The following SIGLEC9 variants were observed in gnomAD, a reference collection of about 807,000 sequenced individuals.
The protein encoded by SIGLEC9 is sialic acid binding Ig like lectin 9, also known as sialic acid-binding Ig-like lectin 9.
In SIGLEC9, 26 loss-of-function variants were observed where a neutral mutation model predicts 38.3. That is an observed-to-expected ratio of 0.68 (90% CI 0.50 to 0.94). The LOEUF (loss-of-function observed/expected upper bound fraction) is 0.94. Ranked by LOEUF, SIGLEC9 falls within the 40% of genes least tolerant of loss-of-function variation. The pLI is 0.00. For synonymous variants in SIGLEC9, 236 were observed against 248.0 expected, an observed-to-expected ratio of 0.95 and a Z score of 0.45; for missense variants, 556 against 585.7, an observed-to-expected ratio of 0.95 and a Z score of 0.52.
upstream of SIGLEC9, among the ~76,000 whole-genome samples, chr19:51,122,143 C>T (rs545058373): frequency 6.6e-6 from 1 of 152,294 alleles, no homozygotes; most frequent in Non-Finnish European, 1.5e-5. This position sits in a 1 kb window ranked among gnomAD's most constrained non-coding sequence, Gnocchi z 4.1. Flanking sequence ...CAGACTGTTT[C>T]AGAGCCTTTG....
upstream of SIGLEC9, chr19:51,120,672 C>T: frequency 5.6e-6 from 1 of 179,792 alleles, no homozygotes; most frequent in South Asian, 1.2e-4. The surrounding 1 kb of genome is among the most constrained non-coding windows in gnomAD (Gnocchi z 4.1). Context: ...ATCCCACAGC[C>T]ATGTGACCAT....
At chr19:51,129,687 T>C (rs1422581077) in intron 6 of SIGLEC9, among the ~76,000 whole-genome samples, 1 of 152,156 alleles carries the variant, frequency 6.6e-6, no homozygotes, top group Admixed American at 6.5e-5. Context: ...GTAGCTGGGA[T>C]TAAAGGTGCA....
At chr19:51,130,695 CT>C (rs1003654880), downstream of SIGLEC9, among the ~76,000 whole-genome samples, 1 of 152,188 alleles carries the variant, frequency 6.6e-6, no homozygotes, top group Non-Finnish European at 1.5e-5. Context: ...CAGTGGGAAT[CT>C]TTAGGACACA....
chr19:51,122,796 C>A (rs2091952576), upstream of SIGLEC9: 2 of 152,666 alleles, frequency 1.3e-5, no homozygotes, highest in South Asian at 4.1e-4. The surrounding 1 kb of genome is among the most constrained non-coding windows in gnomAD (Gnocchi z 4.1). Flanking sequence ...CACCTCCCAA[C>A]CCCGCCCGGC....
At chr19:51,128,229 T>G (rs1470903482) in intron 5 of SIGLEC9, among the ~76,000 whole-genome samples, 185 bp from the exon 6 acceptor site, 1 of 152,134 alleles carries the variant, frequency 6.6e-6, no homozygotes, top group Non-Finnish European at 1.5e-5. Flanking sequence ...GTGGCAAACC[T>G]TGGTACCCAC....
At chr19:51,134,215 G>C (rs1039151355), downstream of SIGLEC9, among the ~76,000 whole-genome samples, 1 of 136,704 alleles carries the variant, frequency 7.3e-6, no homozygotes, top group Admixed American at 8.0e-5. Flanking sequence ...GAGTGCAGTG[G>C]CTCACTGCAA....
rs752111892 is a variant in SIGLEC9, at chr19:51,126,083, C to T, written c.703C>T (p.Pro235Ser). The change falls in exon 3 of 7, where the codon CCG becomes TCG. Residue 235 changes from proline (P) to serine (S), a missense_variant and splice_region_variant. Physicochemically the swap from Pro to Ser is moderately conservative, Grantham distance 74 (BLOSUM62 -1). Transcript: ENST00000250360. Reference sequence around the variant, plus strand: ...GTCTCCATGTCTTTCTGTCCCAGACCCGCCTCAGAACTTGACCATGACTGT... The same window carrying T: ...GTCTCCATGTCTTTCTGTCCCAGACTCGCCTCAGAACTTGACCATGACTGT... Reference protein sequence around the residue: ...NKTVHLNVSYPPQNLTMTVFQ... With the variant: ...NKTVHLNVSYSPQNLTMTVFQ... 1.1e-5 allele frequency: 17 copies of T among 1,614,078 alleles called. No homozygotes were observed. Among genetic ancestry groups the T allele is most frequent in the Non-Finnish European group, 1.3e-5 (15 of 1,179,942 alleles).
At chr19:51,135,478 C>A (rs2092037238) in intron 6 of SIGLEC9, among the ~76,000 whole-genome samples, 1 of 152,162 alleles carries the variant, frequency 6.6e-6, no homozygotes, top group South Asian at 2.1e-4. Flanking sequence ...TTGTACATGA[C>A]CTGCCTCTTC....
chr19:51,134,816 A>AT (rs1177650581), downstream of SIGLEC9, among the ~76,000 whole-genome samples: 1 of 152,070 alleles, frequency 6.6e-6, no homozygotes, highest in African/African-American at 2.4e-5. Context: ...TCTAGGTGTA[A>AT]TGTTAAGTTG....
chr19:51,124,803 C>A, upstream of SIGLEC9: 3 of 807,618 alleles, frequency 3.7e-6, no homozygotes, highest in Non-Finnish European at 5.7e-6. Flanking sequence ...CCAGGGCTGA[C>A]CCGGGCCTGA....
Position 51,125,315 on chromosome 19 carries a change from C to T in SIGLEC9, c.341C>T (p.Ala114Val), listed in dbSNP as rs765995882. The change falls in exon 1 of 7, where the codon GCG (alanine) becomes GTG (valine). Residue 114 changes from alanine to valine, a missense_variant. Coordinates refer to ENST00000250360, the MANE Select transcript of SIGLEC9 (RefSeq NM_014441.3). ...LSIRDARRSD[A>V]GRYFFRMEKG... ...ATCAGAGATGCCAGAAGAAGTGATGCGGGGAGATACTTCTTTCGTATGGAG... is the reference window on the plus strand; with the variant it reads ...ATCAGAGATGCCAGAAGAAGTGATGTGGGGAGATACTTCTTTCGTATGGAG... The T allele has an allele frequency of 7.4e-6, 12 of 1,612,870 alleles. No individual in the cohort carries two copies. Among genetic ancestry groups the T allele is most frequent in the East Asian group, 4.5e-5 (2 of 44,860 alleles).
Position 51,125,683 on chromosome 19 carries a change from T to A in SIGLEC9, c.508T>A (p.Cys170Ser). 6.2e-7 allele frequency: 1 copy of A among 1,613,942 alleles called. No homozygotes were observed. The highest frequency in any genetic ancestry group is 8.5e-7 in the Non-Finnish European group (1 of 1,179,956). ...TCTGACCTGCTCTGTGCCCTGGGCC[T>A]GTGAGCAGGGGACACCCCCTATGAT... ...QNLTCSVPWA[C>S]EQGTPPMISW... The change falls in exon 2 of 7, where the codon TGT becomes AGT. Residue 170 changes from cysteine (C) to serine (S), a missense_variant. Cys to Ser is a moderately radical substitution (Grantham distance 112, BLOSUM62 -1). Coordinates refer to ENST00000250360, the MANE Select transcript of SIGLEC9 (RefSeq NM_014441.3).
chr19:51,136,009 C>T (rs766815661), exon 7 of SIGLEC9: 14 of 703,376 alleles, frequency 2.0e-5, no homozygotes, highest in African/African-American at 1.4e-4. Flanking sequence ...GACTGGGTTT[C>T]GAGTTTCTCC....
chr19:51,122,437 C>T (rs2091951903), upstream of SIGLEC9, among the ~76,000 whole-genome samples: 2 of 152,084 alleles, frequency 1.3e-5, no homozygotes, highest in Non-Finnish European at 2.9e-5. This position sits in a 1 kb window ranked among gnomAD's most constrained non-coding sequence, Gnocchi z 4.1. Context: ...AAAAATTAAC[C>T]TGGCGTGGCG....
chr19:51,126,493 T>C (rs995448029), intron 3 of SIGLEC9, among the ~76,000 whole-genome samples: 2 of 152,152 alleles, frequency 1.3e-5, no homozygotes, highest in East Asian at 1.9e-4. Context: ...TGGGCAAAAA[T>C]TCAAATTGCA....
chr19:51,133,869 T>C (rs1046230619), downstream of SIGLEC9, among the ~76,000 whole-genome samples: 3 of 152,172 alleles, frequency 2.0e-5, no homozygotes, highest in Non-Finnish European at 2.9e-5. Context: ...CATGTTTCCA[T>C]GTAACGGCAT....
chr19:51,128,412 A>G lies in SIGLEC9; in HGVS notation c.1107-2A>G. 1 of 1,614,020 alleles carries G rather than the reference A, an allele frequency of 6.2e-7. No homozygotes were observed. The highest frequency in any genetic ancestry group is 8.5e-7 in the Non-Finnish European group (1 of 1,179,906). On this transcript the variant is annotated splice_acceptor_variant, in intron 5 of 6. Coordinates refer to ENST00000250360, the MANE Select transcript of SIGLEC9 (RefSeq NM_014441.3). LOFTEE classifies it high-confidence loss of function. ...GAAAGGCTCTCTGGTCTCTTCACTC[A>G]GAGTGAGGTCCTGCAGGAAGAAATC...
At position 51,125,577 on chromosome 19, in the gene SIGLEC9, A is replaced by T. The variant is rs1047945697; in HGVS notation, c.422-20A>T. ...CCATGGATCCTCTGACCTGATCCTGAGTCCCCCTCTCTTCACCAGCCTTGA... is the reference window on the plus strand; with the variant it reads ...CCATGGATCCTCTGACCTGATCCTGTGTCCCCCTCTCTTCACCAGCCTTGA... On this transcript the variant is annotated intron_variant, in intron 1 of 6. Transcript: ENST00000250360. 1.4e-5 allele frequency: 23 copies of T among 1,607,236 alleles called. No homozygotes were observed. The highest frequency in any genetic ancestry group is 1.9e-5 in the Non-Finnish European group (23 of 1,179,590).
At chr19:51,123,296 A>AGG (rs1198587126), upstream of SIGLEC9, among the ~76,000 whole-genome samples, 1 of 152,180 alleles carries the variant, frequency 6.6e-6, no homozygotes, top group Non-Finnish European at 1.5e-5. Context: ...CGCCTGAGTT[A>AGG]GAATTGAAGT....
Sources: gnomAD v4.1 joint callset for allele counts (sites outside exome capture counted in the v4.1 genomes callset) on GRCh38, gnomAD v4.1.1 for gene constraint, Gnocchi (gnomAD v3.1) non-coding constraint, MANE v1.5 for transcripts, NCBI Gene and HGNC (gene_info 2026-07-23, HGNC 2026-07-21) for gene names.